The following GPC3 variants were observed in gnomAD, a reference collection of about 807,000 sequenced individuals.
GPC3 encodes glypican 3.
Under a neutral mutation model 34.4 loss-of-function variants are expected in GPC3, and 3 were observed. The ratio of observed to expected loss-of-function variants is 0.09; its 90% CI spans 0.04 to 0.23. The LOEUF (loss-of-function observed/expected upper bound fraction) is 0.23, where lower values mean the gene tolerates loss of function less well. Among genes scored for constraint, GPC3 ranks in the 10% least tolerant of loss-of-function variants. The pLI, the probability that GPC3 is intolerant of heterozygous loss-of-function variation, is 1.00. For synonymous variants in GPC3, 177 were observed against 174.0 expected (o/e 1.02, Z -0.13); for missense variants, 351 against 445.6 (o/e 0.79, Z 1.91).
At chrX:133,791,909 C>T (rs2072168588) in intron 2 of GPC3, among the ~76,000 whole-genome samples, 1 of 97,537 alleles carries the variant, frequency 1.0e-5, no homozygotes, top group Non-Finnish European at 2.0e-5. Flanking sequence ...TTGACATAGC[C>T]TGGCTCTGTT....
At chrX:133,814,361 C>G (rs889383407) in intron 2 of GPC3, among the ~76,000 whole-genome samples, 3 of 110,869 alleles carry the variant, frequency 2.7e-5, no homozygotes, top group Middle Eastern at 4.6e-3. Context: ...AGTTCCCCAC[C>G]CTGGAATGAA....
intron 6 of GPC3, among the ~76,000 whole-genome samples, chrX:133,608,234 C>T (rs1428002127): frequency 1.8e-5 from 2 of 112,869 alleles, no homozygotes; most frequent in Non-Finnish European, 3.7e-5. Flanking sequence ...GGTCTCTGAG[C>T]CTTGCTACCC....
intron 7 of GPC3, among the ~76,000 whole-genome samples, chrX:133,567,872 T>G (rs2069595499): frequency 8.9e-6 from 1 of 112,114 alleles, no homozygotes; most frequent in Non-Finnish European, 1.9e-5. Flanking sequence ...CATAAAATAT[T>G]TAATGATCTT....
intron 2 of GPC3, among the ~76,000 whole-genome samples, chrX:133,895,655 T>C (rs1055256590): frequency 9.0e-6 from 1 of 111,597 alleles, no homozygotes; most frequent in African/African-American, 3.3e-5. Flanking sequence ...TTATCAAGTA[T>C]AAGCAGAATT....
intron 6 of GPC3, among the ~76,000 whole-genome samples, chrX:133,603,817 A>G (rs1475471591): frequency 8.9e-6 from 1 of 111,916 alleles, no homozygotes; most frequent in Non-Finnish European, 1.9e-5. Context: ...AACCAATATA[A>G]CAAAAGGGTA....
intron 2 of GPC3, 24 bp downstream of exon 2, chrX:133,953,026 T>C: frequency 1.7e-6 from 2 of 1,183,501 alleles, no homozygotes; most frequent in East Asian, 3.0e-5. Flanking sequence ...AAGCAGCACA[T>C]CTAAAATAAT....
At chrX:133,926,339 C>T (rs1017719313) in intron 2 of GPC3, among the ~76,000 whole-genome samples, 2 of 111,743 alleles carry the variant, frequency 1.8e-5, no homozygotes, top group East Asian at 2.8e-4. Context: ...AAATAAACTT[C>T]ATTGGGTGGC....
chrX:133,868,246 CA>C (rs1427625109), intron 2 of GPC3, among the ~76,000 whole-genome samples: 1 of 112,017 alleles, frequency 8.9e-6, no homozygotes, highest in Admixed American at 9.5e-5. Flanking sequence ...CCAAAGCACT[CA>C]CCCTAGCTCC....
At chrX:133,847,386 A>G (rs1342597559) in intron 2 of GPC3, among the ~76,000 whole-genome samples, 1 of 112,256 alleles carries the variant, frequency 8.9e-6, no homozygotes, top group African/African-American at 3.2e-5. Flanking sequence ...CAGGAAGAAT[A>G]TCTTATCATA....
chrX:133,579,926 C>A (rs939820183), intron 7 of GPC3, among the ~76,000 whole-genome samples: 1 of 112,593 alleles, frequency 8.9e-6, no homozygotes, highest in Non-Finnish European at 1.9e-5. Context: ...TTTATGGGAA[C>A]CTACCAAGGC....
Position 133,753,644 on chromosome X carries a change from C to T in GPC3, c.870G>A (p.Val290=). The T allele has an allele frequency of 8.3e-7, 1 of 1,211,676 alleles. No individual in the cohort carries two copies. The highest frequency in any genetic ancestry group is 1.1e-6 in the Non-Finnish European group (1 of 895,185). ...ATTCTCTCCAGTACTTGTCAATCTC[C>T]ACCACACCTGCCATACAGCCTTGCA... is the stretch of plus-strand genomic sequence containing the variant. The part of the protein sequence containing the change: ...VVMQGCMAGV[V]EIDKYWREYI... The change falls in exon 3 of 8, where the codon GTG becomes GTA. Residue 290 remains valine (V), a synonymous_variant. Coordinates refer to ENST00000370818, the MANE Select transcript of GPC3 (RefSeq NM_004484.4).
At chrX:133,830,035 C>T (rs1311103668) in intron 2 of GPC3, among the ~76,000 whole-genome samples, 1 of 111,805 alleles carries the variant, frequency 8.9e-6, no homozygotes. Flanking sequence ...CCTAAAATTC[C>T]TGTGGAAATC....
chrX:133,690,963 T>C (rs1234273182), intron 5 of GPC3, among the ~76,000 whole-genome samples: 1 of 111,915 alleles, frequency 8.9e-6, no homozygotes, highest in Admixed American at 9.5e-5. Context: ...CTTGATTTAA[T>C]TTTTTAATCG....
intron 2 of GPC3, among the ~76,000 whole-genome samples, chrX:133,769,078 T>G (rs2071885497): frequency 8.9e-6 from 1 of 112,464 alleles, no homozygotes; most frequent in Admixed American, 9.4e-5. Context: ...TCCTGCTGAT[T>G]GCAAAAACAT....
chrX:133,584,930 CAAA>C (rs68159308), intron 7 of GPC3, among the ~76,000 whole-genome samples: 2 of 68,240 alleles, frequency 2.9e-5, no homozygotes, highest in African/African-American at 5.5e-5. Context: ...TATAAAAAGC[CAAA>C]AAAAAAAAAA....
intron 6 of GPC3, 90 bp from the exon 7 acceptor site, chrX:133,596,689 T>G: frequency 1.1e-6 from 1 of 886,675 alleles, no homozygotes; most frequent in Non-Finnish European, 1.7e-6. Flanking sequence ...ATTAAAAATG[T>G]TCAATGAATT....
chrX:133,790,647 C>T (rs1227456708), intron 2 of GPC3, among the ~76,000 whole-genome samples: 1 of 111,430 alleles, frequency 9.0e-6, no homozygotes, highest in Non-Finnish European at 1.9e-5. Flanking sequence ...CACTCTACCC[C>T]TGTGCAGCCT....
intron 1 of GPC3, among the ~76,000 whole-genome samples, chrX:133,964,406 T>C (rs1454223809): frequency 9.0e-6 from 1 of 111,549 alleles, no homozygotes; most frequent in African/African-American, 3.3e-5. Context: ...GTTTTTCAGG[T>C]GCATAATAAG....
intron 7 of GPC3, among the ~76,000 whole-genome samples, chrX:133,576,391 G>A (rs1446149481): frequency 9.0e-6 from 1 of 110,865 alleles, no homozygotes; most frequent in African/African-American, 3.3e-5. Flanking sequence ...TTACAGGCGT[G>A]TGTCACCACA....
Sources: gnomAD v4.1 joint callset for allele counts (sites outside exome capture counted in the v4.1 genomes callset) on GRCh38, gnomAD v4.1.1 for gene constraint, MANE v1.5 for transcripts, NCBI Gene and HGNC (gene_info 2026-07-23, HGNC 2026-07-21) for gene names.